Variants in MYRIP observed in about 807,000 individuals in gnomAD.
MYRIP encodes the protein rab effector MyRIP.
In MYRIP, 49 loss-of-function variants were observed where a neutral mutation model predicts 98.0. That is an observed-to-expected ratio of 0.50 (90% confidence interval 0.40 to 0.63). MYRIP has a LOEUF of 0.63. MYRIP is among the 30% of genes least tolerant of loss of function. MYRIP has a pLI of 0.00. For synonymous variants in MYRIP, 404 were observed against 409.5 expected (o/e 0.99, Z 0.16); for missense variants, 1,004 against 1,058.2 (o/e 0.95, Z 0.71).
rs761670240 is a variant in MYRIP, at chr3:40,244,508, C to T, written c.2163C>T (p.Ala721=). ...LETQLTELED[A]ARCIHSGTDE... ...CCCAGCTGACTGAGCTAGAAGATGC[C>T]GCCCGCTGCATCCACAGTGGCACTG... The change falls in exon 13 of 17, where the codon GCC becomes GCT. Residue 721 remains alanine (A), a synonymous_variant. Transcript: ENST00000302541. 41 of 1,613,846 alleles carry T rather than the reference C, an allele frequency of 2.5e-5. No homozygotes were observed. The highest frequency in any genetic ancestry group is 1.8e-4 in the Admixed American group (11 of 59,996).
At chr3:40,171,126 C>T (rs1238210671) in intron 8 of MYRIP, among the ~76,000 whole-genome samples, 1 of 151,950 alleles carries the variant, frequency 6.6e-6, no homozygotes, top group African/African-American at 2.4e-5. Context: ...TTTACTGCTG[C>T]TGTCATGCAT....
chr3:39,881,515 G>A (rs1479032384), intron 1 of MYRIP, among the ~76,000 whole-genome samples: 1 of 152,088 alleles, frequency 6.6e-6, no homozygotes, highest in Non-Finnish European at 1.5e-5. Flanking sequence ...TAACCTAAAT[G>A]CCACTATCTT....
chr3:40,230,839 T>C (rs1323276785), intron 11 of MYRIP, among the ~76,000 whole-genome samples: 1 of 152,056 alleles, frequency 6.6e-6, no homozygotes, highest in African/African-American at 2.4e-5. Flanking sequence ...TTTTTTTGTT[T>C]TTTTTAGGCG....
rs1034604390 is a variant in MYRIP at position 40,131,369 on chromosome 3, G to A, written c.333-19679G>A. On this transcript the variant is annotated intron_variant, in intron 3 of 16. Transcript: ENST00000302541. ...ACTCACGGATGCATTCCTGCTATAT[G>A]CCAATATTGTAATAGGTGCTTTGTG... Among the ~76,000 whole-genome samples the A allele has an allele frequency of 9.2e-4, 140 of 152,222 alleles. 1 individual carries two copies. The highest frequency in any genetic ancestry group is 3.3e-3 in the African/African-American group (136 of 41,536).
chr3:40,034,883 C>T (rs1947342452), intron 2 of MYRIP, among the ~76,000 whole-genome samples: 3 of 151,488 alleles, frequency 2.0e-5, no homozygotes, highest in South Asian at 4.2e-4. Context: ...CCATGGAATA[C>T]TATGCAGCCA....
At chr3:39,989,610 A>G (rs1946119941) in intron 2 of MYRIP, among the ~76,000 whole-genome samples, 2 of 152,230 alleles carry the variant, frequency 1.3e-5, no homozygotes, top group East Asian at 1.9e-4. Flanking sequence ...CTTCAGAACT[A>G]GCAGGAGGAA....
At chr3:40,053,135 C>T (rs1038415469) in intron 3 of MYRIP, among the ~76,000 whole-genome samples, 1 of 152,170 alleles carries the variant, frequency 6.6e-6, no homozygotes, top group African/African-American at 2.4e-5. Flanking sequence ...CTTCTCTCTT[C>T]CCCATTCCAA....
chr3:40,182,616 A>T (rs1412866691), intron 9 of MYRIP, among the ~76,000 whole-genome samples: 2 of 152,152 alleles, frequency 1.3e-5, no homozygotes, highest in African/African-American at 4.8e-5. Flanking sequence ...GTGTCATCAT[A>T]TTCTATGCTC....
chr3:40,060,317 A>G (rs180970292), intron 3 of MYRIP, among the ~76,000 whole-genome samples: 31 of 152,274 alleles, frequency 2.0e-4, no homozygotes, highest in African/African-American at 6.0e-4. Context: ...TTTTAACCAG[A>G]AACCTTTGTC....
chr3:40,100,560 T>C (rs1425132874), intron 3 of MYRIP, among the ~76,000 whole-genome samples: 1 of 152,268 alleles, frequency 6.6e-6, no homozygotes, highest in African/African-American at 2.4e-5. Flanking sequence ...AGAATTTTAT[T>C]CTTTTATTGA....
chr3:40,097,591 G>A (rs1376045007), intron 3 of MYRIP, among the ~76,000 whole-genome samples: 1 of 151,882 alleles, frequency 6.6e-6, no homozygotes, highest in Non-Finnish European at 1.5e-5. Flanking sequence ...GATGGGTAAT[G>A]TTAAAATAAA....
chr3:39,852,099 G>C (rs908309645), intron 1 of MYRIP, among the ~76,000 whole-genome samples: 1 of 152,096 alleles, frequency 6.6e-6, no homozygotes, highest in Non-Finnish European at 1.5e-5. Context: ...AAAGGCATGA[G>C]AATTGAACAT....
At chr3:39,817,990 T>TA (rs748737955) in intron 1 of MYRIP, among the ~76,000 whole-genome samples, 8 of 152,202 alleles carry the variant, frequency 5.3e-5, no homozygotes, top group Non-Finnish European at 5.9e-5. Flanking sequence ...AATGATACTT[T>TA]AAAAAACTTA....
At chr3:39,826,542 A>T (rs528568232) in intron 1 of MYRIP, among the ~76,000 whole-genome samples, 111 of 152,196 alleles carry the variant, frequency 7.3e-4, no homozygotes, top group African/African-American at 2.4e-3. Context: ...GTTTTAAAAA[A>T]TTTTTTGAGA....
intron 10 of MYRIP, among the ~76,000 whole-genome samples, chr3:40,204,392 G>C (rs538102504): frequency 0.01 from 1,553 of 149,512 alleles, 12 homozygotes; most frequent in Middle Eastern, 0.017. Flanking sequence ...ATTTTGGCCA[G>C]GCTGGCCTCA....
intron 3 of MYRIP, among the ~76,000 whole-genome samples, chr3:40,045,827 T>C (rs1947658940): frequency 1.3e-5 from 2 of 151,974 alleles, no homozygotes; most frequent in South Asian, 2.1e-4. Context: ...CAGTGAAGAA[T>C]GTAAAGACAG....
intron 1 of MYRIP, among the ~76,000 whole-genome samples, chr3:39,812,009 C>T (rs1940712858): frequency 1.3e-5 from 2 of 152,152 alleles, no homozygotes; most frequent in African/African-American, 4.8e-5. Context: ...AGACTCTTGC[C>T]GGAAAGCCAA....
intron 2 of MYRIP, among the ~76,000 whole-genome samples, chr3:39,979,692 T>A (rs967711812): frequency 1.3e-5 from 2 of 151,316 alleles, no homozygotes; most frequent in Non-Finnish European, 2.9e-5. Context: ...AGCAGCTGAC[T>A]TGGCAGTTGT....
chr3:40,152,287 G>T (rs1010741708), intron 4 of MYRIP, among the ~76,000 whole-genome samples: 2 of 152,152 alleles, frequency 1.3e-5, no homozygotes, highest in Non-Finnish European at 2.9e-5. Context: ...AATAGAATCG[G>T]CTCACTCATT....
Sources: gnomAD v4.1 joint callset for allele counts (sites outside exome capture counted in the v4.1 genomes callset) on GRCh38, gnomAD v4.1.1 for gene constraint, MANE v1.5 for transcripts, NCBI Gene and HGNC (gene_info 2026-07-23, HGNC 2026-07-21) for gene names.